Variants in RNF123 observed in about 807,000 individuals in gnomAD.
RNF123 encodes ring finger protein 123.
In RNF123, 86 loss-of-function variants were observed where a neutral mutation model predicts 168.5. The observed-to-expected ratio is 0.51, with a 90% CI of 0.43 to 0.61. The LOEUF (loss-of-function observed/expected upper bound fraction) is 0.61. Among genes scored for constraint, RNF123 ranks in the 20% least tolerant of loss-of-function variants. The pLI is 0.00. For synonymous variants in RNF123, 666 were observed against 689.1 expected (o/e 0.97, Z 0.52); for missense variants, 1,419 against 1,729.7 (o/e 0.82, Z 3.19).
At chr3:49,690,410 G>A (rs778888254) in intron 1 of RNF123, among the ~76,000 whole-genome samples, 1 of 152,232 alleles carries the variant, frequency 6.6e-6, no homozygotes, top group African/African-American at 2.4e-5. Flanking sequence ...GGACAGCACC[G>A]CTACACATCA....
intron 24 of RNF123, 73 bp downstream of exon 24, chr3:49,705,752 C>T: frequency 6.3e-7 from 1 of 1,597,260 alleles, no homozygotes. Context: ...TTCCTGTGTG[C>T]ACATGGGCCC....
At chr3:49,712,180 G>C (rs1467910471) in intron 26 of RNF123, among the ~76,000 whole-genome samples, 2 of 151,872 alleles carry the variant, frequency 1.3e-5, no homozygotes, top group African/African-American at 4.8e-5. Context: ...GAGCCAAGAG[G>C]GCGTCACTGC....
intron 7 of RNF123, 123 bp from the exon 8 acceptor site, chr3:49,698,317 C>G (rs1171107317): frequency 9.3e-6 from 9 of 965,460 alleles, no homozygotes; most frequent in Non-Finnish European, 1.5e-5. Flanking sequence ...ATACCTCTTA[C>G]TCTTTCCCTC....
chr3:49,705,985 G>T lies in RNF123; in HGVS notation c.2308G>T (p.Val770Leu), dbSNP rs544869015. The T allele has an allele frequency of 1.1e-4, 179 of 1,609,554 alleles. No individual in the cohort carries two copies. The highest frequency in any genetic ancestry group is 1.5e-4 in the Non-Finnish European group (171 of 1,178,266). Residue 770 changes from valine to leucine, a missense_variant, in exon 25 of 39, where the codon GTG (valine) becomes TTG (leucine). By Grantham distance (32) the Val-to-Leu change is conservative. This residue lies in a region of RNF123 where 538 missense variants were observed against 708.8 expected (regional missense o/e 0.76). Transcript: ENST00000327697. ...CATGTGGTCCCATGCTGTGTAGATG[G>T]TGGGTGTCTCCGATGATGTCAATGA... ...LSVHQQLGKM[V>L]GVSDDVNEYA... is the part of the protein sequence containing the mutation.
chr3:49,719,334 C>T, intron 35 of RNF123: 1 of 1,612,996 alleles, frequency 6.2e-7, no homozygotes, highest in Non-Finnish European at 8.5e-7. Context: ...TGCAGCTTAG[C>T]AGGTCGGCAG....
chr3:49,698,639 A>G, intron 8 of RNF123, 113 bp downstream of exon 8: 1 of 1,531,864 alleles, frequency 6.5e-7, no homozygotes, highest in Non-Finnish European at 9.0e-7. Flanking sequence ...TCAGGGACCC[A>G]GGTCCTTTGT....
chr3:49,714,651 A>G (rs968220785), intron 31 of RNF123, among the ~76,000 whole-genome samples: 2 of 152,226 alleles, frequency 1.3e-5, no homozygotes, highest in African/African-American at 4.8e-5. Flanking sequence ...GAGGTTGGCC[A>G]GGTCCCCAGA....
At chr3:49,708,129 CT>C (rs2054553025) in intron 26 of RNF123, among the ~76,000 whole-genome samples, 1 of 152,032 alleles carries the variant, frequency 6.6e-6, no homozygotes, top group Non-Finnish European at 1.5e-5. Context: ...CGCCCAGCTA[CT>C]TTTTGTATTT....
At position 49,704,704 on chromosome 3, in the gene RNF123, C is replaced by G; in HGVS notation, c.1907C>G (p.Thr636Ser). ...IVIDPLELQS[T>S]AMDDLDEDEE... ...ATCGACCCACTGGAGCTCCAGTCAA[C>G]CGCCATGGATGACCTAGATGAGGAT... is the stretch of plus-strand genomic sequence containing the variant. Residue 636 changes from threonine (T) to serine (S), a missense_variant, in exon 22 of 39, where the codon ACC (threonine) becomes AGC (serine). This residue lies in a region of RNF123 where 538 missense variants were observed against 708.8 expected (regional missense o/e 0.76). Coordinates refer to ENST00000327697, the MANE Select transcript of RNF123 (RefSeq NM_022064.5). 6.2e-7 allele frequency: 1 copy of G among 1,605,094 alleles called. No homozygotes were observed.
rs750639456 is a variant in RNF123 at position 49,700,257 on chromosome 3, A to G, written c.1015A>G (p.Met339Val). The change falls in exon 13 of 39, where the codon ATG (methionine) becomes GTG (valine). Residue 339 changes from methionine to valine, a missense_variant. Met to Val is a conservative substitution (Grantham distance 21). Around this residue, in one of 5 missense-constraint regions of RNF123, gnomAD observed 318 missense variants for 446.6 expected, o/e 0.71. Transcript: ENST00000327697. The part of the protein sequence containing the change: ...RKVYLVEAVL[M>V]SFLLGIVEKG... ...GGTGTATCTGGTGGAGGCTGTGCTC[A>G]TGAGCTTCTTGCTGGGCATCGTGGA... The G allele has an allele frequency of 3.7e-6, 6 of 1,614,186 alleles. No homozygotes were observed. Among genetic ancestry groups the G allele is most frequent in the African/African-American group, 2.7e-5 (2 of 75,064 alleles).
intron 23 of RNF123, 96 bp from the exon 24 acceptor site, chr3:49,705,438 C>T: frequency 2.0e-6 from 3 of 1,503,326 alleles, no homozygotes; most frequent in East Asian, 4.6e-5. Flanking sequence ...TCCTTGGGCA[C>T]AGGAATGGGA....
chr3:49,698,757 G>T lies in RNF123; in HGVS notation c.573G>T (p.Ala191=). 1.2e-6 allele frequency: 2 copies of T among 1,613,558 alleles called. No homozygotes were observed. Among genetic ancestry groups the T allele is most frequent in the Non-Finnish European group, 1.7e-6 (2 of 1,179,838 alleles). The change falls in exon 9 of 39, where the codon GCG becomes GCT. Residue 191 remains alanine (A), a splice_region_variant and synonymous_variant. Coordinates refer to ENST00000327697, the MANE Select transcript of RNF123 (RefSeq NM_022064.5). ...WNVTTTNYGK[A]WAAGDIVSCL... is the part of the protein sequence containing the mutation. ...GGTGAGGCCTCCTCTCATGGCAGGC[G>T]TGGGCAGCGGGGGACATCGTGAGCT... is the stretch of plus-strand genomic sequence containing the variant.
At chr3:49,716,508 G>T in intron 35 of RNF123, 31 bp downstream of exon 35, 1 of 1,594,102 alleles carries the variant, frequency 6.3e-7, no homozygotes. Context: ...GCCCCTGTGG[G>T]AGTTGGGTGT....
chr3:49,709,130 AT>A (rs559457658), intron 26 of RNF123, among the ~76,000 whole-genome samples: 99 of 110,750 alleles, frequency 8.9e-4, no homozygotes, highest in African/African-American at 2.9e-3. Context: ...AATTTTTGTG[AT>A]TTTTTTTTTC....
chr3:49,710,419 A>G (rs1050997245), intron 26 of RNF123, among the ~76,000 whole-genome samples: 1 of 152,068 alleles, frequency 6.6e-6, no homozygotes, highest in Non-Finnish European at 1.5e-5. Flanking sequence ...AGCTGGGACT[A>G]TAGGCATACG....
chr3:49,692,020 G>A (rs1401012305), intron 3 of RNF123, among the ~76,000 whole-genome samples: 2 of 152,272 alleles, frequency 1.3e-5, no homozygotes, highest in African/African-American at 4.8e-5. Flanking sequence ...AAGGTGGGTA[G>A]ATTGCTTGAG....
intron 2 of RNF123, 33 bp downstream of exon 2, chr3:49,691,280 C>G (rs1433652505): frequency 9.9e-6 from 16 of 1,608,944 alleles, no homozygotes; most frequent in Non-Finnish European, 1.4e-5. Flanking sequence ...GGAGGCTCCT[C>G]TTGTTGGGAG....
chr3:49,698,469 T>C lies in RNF123; in HGVS notation c.513T>C (p.Tyr171=), dbSNP rs781196117. The C allele has an allele frequency of 6.2e-7, 1 of 1,613,928 alleles. No homozygotes were observed. Among genetic ancestry groups the C allele is most frequent in the South Asian group, 1.1e-5 (1 of 91,084 alleles). The stretch of plus-strand genomic sequence containing the variant: ...GGGTTGGAGATACACACAACTCCTA[T>C]GCCTATGATGGCAACCGCGTGCGCA... ...EEGVGDTHNS[Y]AYDGNRVRKW... is the part of the protein sequence containing the mutation. The change falls in exon 8 of 39, where the codon TAT becomes TAC. Residue 171 remains tyrosine (Y), a synonymous_variant. Transcript: ENST00000327697.
chr3:49,691,550 A>G (rs1428839607), intron 3 of RNF123, 41 bp downstream of exon 3: 5 of 1,531,382 alleles, frequency 3.3e-6, no homozygotes, highest in Non-Finnish European at 4.5e-6. Flanking sequence ...CTGCTGGGCC[A>G]GACCAGAATA....
Sources: gnomAD v4.1 joint callset for allele counts (sites outside exome capture counted in the v4.1 genomes callset) on GRCh38, gnomAD v4.1.1 for gene constraint, gnomAD v4.1.1 regional missense constraint, MANE v1.5 for transcripts, NCBI Gene and HGNC (gene_info 2026-07-23, HGNC 2026-07-21) for gene names.